Variants in TACR3 observed in about 807,000 individuals in gnomAD.
The protein encoded by TACR3 is tachykinin receptor 3, also known as neuromedin-K receptor.
Under a neutral mutation model 35.0 loss-of-function variants are expected in TACR3, and 34 were observed. That is an observed-to-expected ratio of 0.97 (90% CI 0.74 to 1.30). The LOEUF (loss-of-function observed/expected upper bound fraction) is 1.30. TACR3 is among the 50% of genes most tolerant of loss of function. The probability of loss-of-function intolerance (pLI) is 0.00; values close to 1 mark genes in which losing one functional copy is unlikely to be tolerated. For missense variants in TACR3, 558 were observed against 591.7 expected (o/e 0.94, Z 0.59); for synonymous variants, 233 against 221.1 (o/e 1.05, Z -0.48).
rs780986051 is a variant in TACR3 at position 103,657,958 on chromosome 4, T to G, written c.737+257A>C. ...CTTTGCACATTGCTTTTATCTTTTA[T>G]CACTTCCTTCAGGAAACTCTCCAGT... On this transcript the variant is annotated intron_variant, in intron 2 of 4. Transcript: ENST00000304883. 0.038 allele frequency among the ~76,000 whole-genome samples: 5,715 copies of G among 152,300 alleles called. 139 individuals are homozygous for G. Among genetic ancestry groups the G allele is most frequent in the Non-Finnish European group, 0.055 (3,728 of 68,026 alleles).
intron 3 of TACR3, among the ~76,000 whole-genome samples, chr4:103,655,536 A>G (rs1463033475): frequency 1.3e-5 from 2 of 152,104 alleles, no homozygotes; most frequent in African/African-American, 4.8e-5. Flanking sequence ...AGTAGAAAAA[A>G]TCTCAATAAA....
In TACR3 at chr4:103,615,398, T is replaced by A. The variant is rs10020605; in HGVS notation, c.889-23715A>T. Among the ~76,000 whole-genome samples the A allele has an allele frequency of 7.3e-3, 860 of 117,198 alleles. 9 individuals carry two copies. The highest frequency in any genetic ancestry group is 0.012 in the Middle Eastern group (3 of 244). The allele number at this position is 117,198 out of a possible 152,430, so 76.9% of individuals were successfully genotyped here. ...TATCGTGTGTGTGTGTGTGTGTGTGTGAGAGAGAGAGAGAGAGAGAGAGAG... is the reference window on the plus strand; with the variant it reads ...TATCGTGTGTGTGTGTGTGTGTGTGAGAGAGAGAGAGAGAGAGAGAGAGAG... On this transcript the variant is annotated intron_variant, in intron 3 of 4. Coordinates refer to ENST00000304883, the MANE Select transcript of TACR3 (RefSeq NM_001059.3).
chr4:103,704,313 G>A (rs1339126890), intron 1 of TACR3, among the ~76,000 whole-genome samples: 3 of 152,108 alleles, frequency 2.0e-5, no homozygotes, highest in African/African-American at 2.4e-5. Context: ...TGGAAAAGGA[G>A]ATGGCATCCT....
intron 3 of TACR3, among the ~76,000 whole-genome samples, chr4:103,631,207 T>C (rs1267326570): frequency 1.3e-5 from 2 of 152,152 alleles, no homozygotes; most frequent in Non-Finnish European, 2.9e-5. Flanking sequence ...GGGATAGCAC[T>C]TGGAGAAATA....
At chr4:103,657,978 T>G (rs1246639738) in intron 2 of TACR3, among the ~76,000 whole-genome samples, 1 of 148,734 alleles carries the variant, frequency 6.7e-6, no homozygotes, top group East Asian at 1.9e-4. Flanking sequence ...CAGGAAACTC[T>G]CCAGTGCCAT....
chr4:103,672,053 A>T (rs944460711), intron 1 of TACR3, among the ~76,000 whole-genome samples: 6 of 152,104 alleles, frequency 3.9e-5, no homozygotes, highest in Non-Finnish European at 7.4e-5. Flanking sequence ...CCAGAAGTAG[A>T]TTCAATTTAA....
intron 1 of TACR3, among the ~76,000 whole-genome samples, chr4:103,703,032 C>T (rs1333572782): frequency 1.3e-5 from 2 of 151,580 alleles, no homozygotes; most frequent in South Asian, 2.1e-4. Flanking sequence ...GCACATGTAC[C>T]CTAAAAGTTA....
At chr4:103,709,700 A>G (rs1578267814) in intron 1 of TACR3, among the ~76,000 whole-genome samples, 3 of 152,314 alleles carry the variant, frequency 2.0e-5, no homozygotes, top group Admixed American at 2.0e-4. Flanking sequence ...CAATTAAAAG[A>G]CACAGACTGG....
chr4:103,669,041 C>A (rs1725997366), intron 1 of TACR3, among the ~76,000 whole-genome samples: 1 of 151,874 alleles, frequency 6.6e-6, no homozygotes, highest in South Asian at 2.1e-4. Context: ...TTTTTTAGTT[C>A]CAAGTATGAG....
At chr4:103,685,365 A>G (rs1227234623) in intron 1 of TACR3, among the ~76,000 whole-genome samples, 1 of 152,234 alleles carries the variant, frequency 6.6e-6, no homozygotes, top group African/African-American at 2.4e-5. Context: ...TTAACTCAAA[A>G]TGTATCATAC....
At chr4:103,642,330 T>C (rs1229620654) in intron 3 of TACR3, among the ~76,000 whole-genome samples, 1 of 147,810 alleles carries the variant, frequency 6.8e-6, no homozygotes, top group Non-Finnish European at 1.5e-5. Flanking sequence ...AATACAATTA[T>C]TATTTGTCAA....
chr4:103,682,921 C>T (rs905117453), intron 1 of TACR3, among the ~76,000 whole-genome samples: 5 of 151,988 alleles, frequency 3.3e-5, no homozygotes, highest in Admixed American at 2.0e-4. Flanking sequence ...TAGAGCTAAC[C>T]GATAGTGAGA....
intron 1 of TACR3, among the ~76,000 whole-genome samples, chr4:103,707,619 G>A (rs968138940): frequency 1.1e-4 from 17 of 152,056 alleles, no homozygotes; most frequent in Admixed American, 8.5e-4. Flanking sequence ...CTGAGTTACC[G>A]GGTTCATCTC....
At chr4:103,618,591 TG>T (rs1429029179) in intron 3 of TACR3, among the ~76,000 whole-genome samples, 34 of 96,652 alleles carry the variant, frequency 3.5e-4, no homozygotes, top group African/African-American at 8.9e-4. Context: ...TTTTTTTTTT[TG>T]TTCCATATGA....
At chr4:103,653,238 A>G (rs1221954590) in intron 3 of TACR3, among the ~76,000 whole-genome samples, 2 of 152,074 alleles carry the variant, frequency 1.3e-5, no homozygotes, top group African/African-American at 2.4e-5. Flanking sequence ...TAGTATTTCT[A>G]TTTTGAAACT....
intron 3 of TACR3, among the ~76,000 whole-genome samples, chr4:103,594,986 T>C (rs1723975372): frequency 6.6e-6 from 1 of 152,314 alleles, no homozygotes. Context: ...CTCTGGACTC[T>C]AGTTTTGATG....
At chr4:103,707,517 G>C (rs1225738860) in intron 1 of TACR3, among the ~76,000 whole-genome samples, 1 of 152,018 alleles carries the variant, frequency 6.6e-6, no homozygotes, top group Non-Finnish European at 1.5e-5. Flanking sequence ...AAATCAATAA[G>C]ACACAGTTCC....
chr4:103,650,569 TATAAA>T (rs1725571375), intron 3 of TACR3, among the ~76,000 whole-genome samples: 1 of 103,204 alleles, frequency 9.7e-6, no homozygotes, highest in Non-Finnish European at 1.9e-5. Flanking sequence ...AAAATAAATA[TATAAA>T]ATAAATTTAA....
At chr4:103,600,359 A>C (rs1724165519) in intron 3 of TACR3, among the ~76,000 whole-genome samples, 1 of 151,890 alleles carries the variant, frequency 6.6e-6, no homozygotes, top group African/African-American at 2.4e-5. Context: ...CTTCTTTATT[A>C]GTCTTGCTAG....
Sources: gnomAD v4.1 joint callset for allele counts (sites outside exome capture counted in the v4.1 genomes callset) on GRCh38, gnomAD v4.1.1 for gene constraint, MANE v1.5 for transcripts, NCBI Gene and HGNC (gene_info 2026-07-23, HGNC 2026-07-21) for gene names.